SDAD1: variants seen among roughly 807,000 people sequenced by gnomAD.
SDAD1 encodes the protein protein SDA1 homolog.
SDAD1 carries 79 observed loss-of-function variants against 100.3 expected under a neutral mutation model. The ratio of observed to expected loss-of-function variants is 0.79; its 90% CI spans 0.66 to 0.95. The LOEUF (loss-of-function observed/expected upper bound fraction) is 0.95, where lower values mean the gene tolerates loss of function less well. Ranked by LOEUF, SDAD1 falls within the 40% of genes least tolerant of loss-of-function variation. SDAD1 has a pLI of 0.00. For missense variants in SDAD1, 790 were observed against 810.9 expected, an observed-to-expected ratio of 0.97 and a Z score of 0.31; for synonymous variants, 267 against 271.4, an observed-to-expected ratio of 0.98 and a Z score of 0.16.
chr4:75,990,665 G>A, intron 1 of SDAD1, 87 bp downstream of exon 1: 1 of 1,605,262 alleles, frequency 6.2e-7, no homozygotes, highest in Admixed American at 1.7e-5. Context: ...GGCGAGCCTG[G>A]ATCCCAGCCC....
chr4:75,965,758 T>A lies in SDAD1; in HGVS notation c.1104+6A>T, dbSNP rs1462306220. On this transcript the variant is annotated splice_donor_region_variant and intron_variant, in intron 13 of 21. Transcript: ENST00000356260. ...TAGGTCCAGAAGTCAGGTTACAGGTTCTCACCTCTGGGGGTACTAGGTGAT... is the reference window on the plus strand; with the variant it reads ...TAGGTCCAGAAGTCAGGTTACAGGTACTCACCTCTGGGGGTACTAGGTGAT... 3 of 1,612,126 alleles carry A rather than the reference T, an allele frequency of 1.9e-6. No homozygotes were observed. In the Admixed American group the frequency reaches 5.0e-5, roughly 27 times the overall value.
At chr4:75,987,562 C>T (rs1042615136) in intron 1 of SDAD1, among the ~76,000 whole-genome samples, 4 of 151,980 alleles carry the variant, frequency 2.6e-5, no homozygotes, top group African/African-American at 7.3e-5. Context: ...GGTGCAGTGG[C>T]GCGATCTCGG....
chr4:75,982,620 G>A (rs1056956586), intron 1 of SDAD1, among the ~76,000 whole-genome samples: 1 of 152,048 alleles, frequency 6.6e-6, no homozygotes, highest in African/African-American at 2.4e-5. Context: ...CTGCACTCCA[G>A]CCTAGGCAAC....
rs1731228538 is a variant in SDAD1, at chr4:75,990,865, G to A, written c.-24C>T. ...ATTTTGGCTGCAGACAGACTTCGCG[G>A]CGAGCAGTTTTAAAAAAACTCAGAC... is the stretch of plus-strand genomic sequence containing the variant. On this transcript the variant is annotated 5_prime_UTR_variant, in exon 1 of 22. Transcript: ENST00000356260. 6.2e-7 allele frequency: 1 copy of A among 1,614,000 alleles called. No individual in the cohort carries two copies. The highest frequency in any genetic ancestry group is 1.3e-5 in the African/African-American group (1 of 75,022).
chr4:75,981,904 G>T, intron 2 of SDAD1, 29 bp downstream of exon 2: 2 of 1,420,492 alleles, frequency 1.4e-6, no homozygotes, highest in Non-Finnish European at 9.9e-7. Context: ...TGTTAATACT[G>T]GTCTTTATTT....
At position 75,977,736 on chromosome 4, in the gene SDAD1, G is replaced by A. The variant is rs757300725; in HGVS notation, c.315C>T (p.Ile105=). 7 of 1,610,870 alleles carry A rather than the reference G, an allele frequency of 4.3e-6. No homozygotes were observed. In the South Asian group the frequency reaches 7.7e-5, roughly 18 times the overall value. Residue 105 remains isoleucine (I), a synonymous_variant, in exon 4 of 22, where the codon ATC becomes ATT. Transcript: ENST00000356260. ...DLRMTFCKAL[I]LLRNKNLINP... is the part of the protein sequence containing the mutation. ...TGATGAGATTCTTATTTCTCAGCAA[G>A]ATCAAAGCTTTGCAAAATGTCTCGG...
intron 8 of SDAD1, among the ~76,000 whole-genome samples, chr4:75,972,458 A>G (rs572755488): frequency 2.7e-4 from 41 of 151,474 alleles, no homozygotes; most frequent in African/African-American, 9.9e-4. Flanking sequence ...AAATATGTAC[A>G]TAGTTTACTA....
Position 75,956,121 on chromosome 4 carries a change from G to A in SDAD1, c.1870C>T (p.Arg624Ter), listed in dbSNP as rs1418835720. The change falls in exon 21 of 22, where the codon CGA becomes TGA. Residue 624 changes from arginine (R) to a stop codon, truncating the protein, a stop_gained. Transcript: ENST00000356260. LOFTEE classifies it high-confidence loss of function. The stretch of plus-strand genomic sequence containing the variant: ...GTTTTCTTCCTCACAAATTCTTTTC[G>A]GTCTGTCTTTCCAGCCTACCAGAAC... ...LATAMAGKTD[R>*]KEFVRKKTKT... The A allele has an allele frequency of 9.3e-6, 15 of 1,605,700 alleles. No homozygotes were observed. Among genetic ancestry groups the A allele is most frequent in the Middle Eastern group, 1.7e-4 (1 of 6,034 alleles).
At position 75,990,909 on chromosome 4, in the gene SDAD1, C is replaced by G. The variant is rs371730684; in HGVS notation, c.-68G>C. The G allele has an allele frequency of 6.3e-7, 1 of 1,591,106 alleles. No homozygotes were observed. Among genetic ancestry groups the G allele is most frequent in the Non-Finnish European group, 8.6e-7 (1 of 1,161,628 alleles). ...CTCAGACGGCCGGCACCCCGCAATC[C>G]CTGCCAGCTGCAGCTTGGACTCGTG... On this transcript the variant is annotated 5_prime_UTR_variant, in exon 1 of 22. Transcript: ENST00000356260.
At chr4:75,968,904 C>T (rs1020972988) in intron 11 of SDAD1, among the ~76,000 whole-genome samples, 8 of 151,640 alleles carry the variant, frequency 5.3e-5, no homozygotes, top group Non-Finnish European at 8.8e-5. Flanking sequence ...TGGTGGCATG[C>T]GCCTGTGTCC....
chr4:75,951,578 T>G (rs1036456494), intron 21 of SDAD1, among the ~76,000 whole-genome samples: 5 of 152,208 alleles, frequency 3.3e-5, no homozygotes, highest in African/African-American at 1.2e-4. Flanking sequence ...CAGTCTAGGC[T>G]TTCATCTCCT....
Position 75,981,386 on chromosome 4 carries a change from G to A in SDAD1, c.280C>T (p.Pro94Ser), listed in dbSNP as rs1365376068. ...LLSCNHTVLDPDLRMTFCKAL... is the reference protein window; with the variant it reads ...LLSCNHTVLDSDLRMTFCKAL... ...ACTGGTCCTACCATTCGCAGATCTGGATCCAATACGGTATGATTGCAGGAG... is the reference window on the plus strand; with the variant it reads ...ACTGGTCCTACCATTCGCAGATCTGAATCCAATACGGTATGATTGCAGGAG... The change falls in exon 3 of 22, where the codon CCA (proline) becomes TCA (serine). Residue 94 changes from proline (P) to serine (S), a missense_variant. Pro to Ser is a moderately conservative substitution (Grantham distance 74). Coordinates refer to ENST00000356260, the MANE Select transcript of SDAD1 (RefSeq NM_018115.4). 4 of 1,613,706 alleles carry A rather than the reference G, an allele frequency of 2.5e-6. No individual in the cohort carries two copies. The African/African-American group carries it at 5.3e-5, about 22-fold the overall frequency.
intron 4 of SDAD1, 82 bp from the exon 5 acceptor site, chr4:75,976,077 T>C (rs1401692367): frequency 7.5e-6 from 6 of 799,708 alleles, no homozygotes; most frequent in East Asian, 5.3e-5. Flanking sequence ...AGTATGAATG[T>C]ACAGGATGAC....
At chr4:75,979,079 T>A (rs971255903) in intron 3 of SDAD1, among the ~76,000 whole-genome samples, 7 of 143,482 alleles carry the variant, frequency 4.9e-5, no homozygotes, top group Non-Finnish European at 1.1e-4. Flanking sequence ...GAACATAAAG[T>A]AATTAAAATA....
At position 75,977,733 on chromosome 4, in the gene SDAD1, C is replaced by T. The variant is rs1730235773; in HGVS notation, c.318G>A (p.Leu106=). 6.2e-7 allele frequency: 1 copy of T among 1,610,366 alleles called. No homozygotes were observed. Among genetic ancestry groups the T allele is most frequent in the Admixed American group, 1.7e-5 (1 of 59,638 alleles). The change falls in exon 4 of 22, where the codon TTG becomes TTA. Residue 106 remains leucine, a synonymous_variant. Coordinates refer to ENST00000356260, the MANE Select transcript of SDAD1 (RefSeq NM_018115.4). ...LRMTFCKALI[L]LRNKNLINPS... is the part of the protein sequence containing the mutation. The stretch of plus-strand genomic sequence containing the variant: ...GATTGATGAGATTCTTATTTCTCAG[C>T]AAGATCAAAGCTTTGCAAAATGTCT...
chr4:75,958,038 A>C (rs963128054), intron 17 of SDAD1, 97 bp from the exon 18 acceptor site: 2 of 944,088 alleles, frequency 2.1e-6, no homozygotes, highest in South Asian at 1.3e-5. Context: ...TGAACCTTGA[A>C]CAGATACATT....
At chr4:75,984,171 A>C (rs1287389751) in intron 1 of SDAD1, among the ~76,000 whole-genome samples, 14 of 151,468 alleles carry the variant, frequency 9.2e-5, no homozygotes, top group Non-Finnish European at 1.6e-4. Context: ...ACCTTAAAAA[A>C]AAAAAAAAAA....
chr4:75,985,682 TCTC>T (rs1371029821), intron 1 of SDAD1, among the ~76,000 whole-genome samples: 2 of 152,058 alleles, frequency 1.3e-5, no homozygotes, highest in Non-Finnish European at 2.9e-5. Flanking sequence ...TACCCTGACT[TCTC>T]CTCCTCTAAT....
intron 17 of SDAD1, among the ~76,000 whole-genome samples, chr4:75,959,669 T>C (rs1361851873): frequency 2.6e-5 from 4 of 151,896 alleles, no homozygotes; most frequent in African/African-American, 9.7e-5. Context: ...ACTCTGGAAA[T>C]TAGAATGGAG....
Sources: gnomAD v4.1 joint callset for allele counts (sites outside exome capture counted in the v4.1 genomes callset) on GRCh38, gnomAD v4.1.1 for gene constraint, MANE v1.5 for transcripts, NCBI Gene and HGNC (gene_info 2026-07-23, HGNC 2026-07-21) for gene names.